Variants in FRY observed in about 807,000 individuals in gnomAD.
FRY encodes FRY microtubule binding protein.
In FRY, 128 loss-of-function variants were observed where a neutral mutation model predicts 348.4. That is an observed-to-expected ratio of 0.37 (90% CI 0.32 to 0.43). The LOEUF (loss-of-function observed/expected upper bound fraction) is 0.43, where lower values mean the gene tolerates loss of function less well. Ranked by LOEUF, FRY falls within the 20% of genes least tolerant of loss-of-function variation. The pLI is 1.00. For missense variants in FRY, 2,736 were observed against 3,695.2 expected, an observed-to-expected ratio of 0.74 and a Z score of 6.73; for synonymous variants, 1,370 against 1,374.7, an observed-to-expected ratio of 1.00 and a Z score of 0.08.
intron 3 of FRY, among the ~76,000 whole-genome samples, chr13:32,109,680 A>G (rs1258616602): frequency 2.6e-5 from 4 of 152,114 alleles, no homozygotes; most frequent in African/African-American, 4.8e-5. Flanking sequence ...ATTATTTTCT[A>G]TGGGCTATGA....
rs750342197 is a variant in FRY at position 32,236,104 on chromosome 13, C to T, written c.5742C>T (p.Thr1914=). ...IQGYVMEALL[T]LEAAVDNLSD... ...GTTATGTAATGGAAGCGCTCCTAAC[C>T]TTGGAGGCGGCTGTGGATAACTTGT... Residue 1914 remains threonine, a synonymous_variant, in exon 43 of 61, where the codon ACC becomes ACT. Coordinates refer to ENST00000542859, the MANE Select transcript of FRY (RefSeq NM_023037.3). 3 of 1,613,914 alleles carry T rather than the reference C, an allele frequency of 1.9e-6. No individual in the cohort carries two copies. The South Asian group carries it at 3.3e-5, about 18-fold the overall frequency.
chr13:32,215,156 A>T (rs1019048438), intron 35 of FRY, among the ~76,000 whole-genome samples: 1 of 152,228 alleles, frequency 6.6e-6, no homozygotes, highest in East Asian at 1.9e-4. Context: ...TTGAGGCCCC[A>T]GTAGCCAAAG....
chr13:32,291,924 C>G, intron 59 of FRY: 1 of 440,340 alleles, frequency 2.3e-6, no homozygotes, highest in South Asian at 1.6e-5. Context: ...ATGATAAAAC[C>G]TGAATGGATG....
chr13:32,178,769 A>G, intron 21 of FRY, 75 bp from the exon 22 acceptor site: 2 of 1,018,078 alleles, frequency 2.0e-6, no homozygotes, highest in Non-Finnish European at 3.1e-6. Flanking sequence ...AGTACTTCCT[A>G]TGATCTTTAT....
intron 3 of FRY, among the ~76,000 whole-genome samples, chr13:32,105,682 G>C (rs1239405500): frequency 6.6e-6 from 1 of 152,172 alleles, no homozygotes; most frequent in Non-Finnish European, 1.5e-5. Flanking sequence ...TGTAGGAGTA[G>C]TTGTAATAGT....
At chr13:32,182,794 G>C (rs1342391222) in intron 23 of FRY, among the ~76,000 whole-genome samples, 183 bp from the exon 24 acceptor site, 1 of 152,176 alleles carries the variant, frequency 6.6e-6, no homozygotes, top group East Asian at 1.9e-4. Context: ...GTAATACAAA[G>C]TATAGGCCAA....
intron 59 of FRY, 75 bp from the exon 60 acceptor site, chr13:32,294,293 C>CA (rs1555277490): frequency 1.0e-6 from 1 of 1,000,382 alleles, no homozygotes; most frequent in Non-Finnish European, 1.5e-6. Context: ...CCATAAGATC[C>CA]TTTTTTTTTC....
At chr13:32,105,021 T>G (rs974563097) in intron 3 of FRY, among the ~76,000 whole-genome samples, 1 of 152,174 alleles carries the variant, frequency 6.6e-6, no homozygotes, top group Non-Finnish European at 1.5e-5. Flanking sequence ...CAGACTAATA[T>G]AAAGCCATAG....
At chr13:32,041,962 C>G (rs1162413380) in intron 1 of FRY, among the ~76,000 whole-genome samples, 1 of 152,178 alleles carries the variant, frequency 6.6e-6, no homozygotes, top group African/African-American at 2.4e-5. Context: ...AATGTTTGAA[C>G]TTTAAGAAAG....
chr13:32,125,001 C>G, intron 7 of FRY, 126 bp downstream of exon 7: 1 of 757,324 alleles, frequency 1.3e-6, no homozygotes, highest in Non-Finnish European at 2.4e-6. Flanking sequence ...CATGTGTGCC[C>G]CATCTCTGAA....
At chr13:32,203,997 TAAC>T (rs1182814792) in intron 31 of FRY, among the ~76,000 whole-genome samples, 1 of 152,232 alleles carries the variant, frequency 6.6e-6, no homozygotes, top group Non-Finnish European at 1.5e-5. Context: ...AAATAGCTGA[TAAC>T]AGCCTACATT....
intron 49 of FRY, 105 bp downstream of exon 49, chr13:32,249,792 T>C: frequency 9.8e-7 from 1 of 1,015,334 alleles, no homozygotes; most frequent in Non-Finnish European, 1.5e-6. Context: ...AGGTTGCCCA[T>C]ATAGGTCTCA....
chr13:32,281,257 A>G (rs1593846498), intron 58 of FRY, among the ~76,000 whole-genome samples: 1 of 152,222 alleles, frequency 6.6e-6, no homozygotes, highest in South Asian at 2.1e-4. Context: ...ATCCTTTACA[A>G]CAGTCCTTTG....
intron 42 of FRY, among the ~76,000 whole-genome samples, chr13:32,235,141 G>C (rs546014531): frequency 9.8e-5 from 15 of 152,304 alleles, no homozygotes; most frequent in African/African-American, 3.6e-4. Context: ...GACCTCCACT[G>C]TATCTGTCCA....
intron 55 of FRY, among the ~76,000 whole-genome samples, chr13:32,274,541 A>AAAAAT (rs1888400389): frequency 6.6e-6 from 1 of 151,650 alleles, no homozygotes. Flanking sequence ...CGTCTCTACT[A>AAAAAT]AAAATACAAA....
At chr13:32,079,987 T>A (rs1474553420) in intron 2 of FRY, among the ~76,000 whole-genome samples, 2 of 152,250 alleles carry the variant, frequency 1.3e-5, no homozygotes, top group African/African-American at 4.8e-5. Context: ...ATGTAATAGA[T>A]GATGCACATC....
At chr13:32,048,379 T>C (rs1414382245) in intron 1 of FRY, among the ~76,000 whole-genome samples, 1 of 152,162 alleles carries the variant, frequency 6.6e-6, no homozygotes, top group Non-Finnish European at 1.5e-5. Flanking sequence ...TTTGAGTGAG[T>C]TCAACAAGCT....
intron 29 of FRY, 101 bp downstream of exon 29, chr13:32,194,398 A>T: frequency 9.7e-7 from 1 of 1,027,376 alleles, no homozygotes; most frequent in Non-Finnish European, 1.5e-6. Context: ...TGAGCAAAGT[A>T]AGTTCTATGA....
intron 36 of FRY, among the ~76,000 whole-genome samples, chr13:32,222,218 G>GC (rs1885353605): frequency 6.6e-6 from 1 of 152,174 alleles, no homozygotes; most frequent in South Asian, 2.1e-4. Flanking sequence ...GCTGTATGGG[G>GC]CCCAGCCTGA....
Sources: allele counts gnomAD v4.1 joint callset (sites outside exome capture counted in the v4.1 genomes callset), GRCh38; gene constraint gnomAD v4.1.1; transcripts MANE v1.5; gene names NCBI Gene and HGNC (gene_info 2026-07-23, HGNC 2026-07-21).